The following DNAAF1 variants were observed in gnomAD, a reference collection of about 807,000 sequenced individuals.
The protein encoded by DNAAF1 is dynein axonemal assembly factor 1.
In DNAAF1, 65 loss-of-function variants were observed where a neutral mutation model predicts 71.1. That is an observed-to-expected ratio of 0.91 (90% CI 0.75 to 1.12). The LOEUF is 1.12. Ranked by LOEUF, DNAAF1 falls within the 50% of genes most tolerant of loss-of-function variation. The probability of loss-of-function intolerance (pLI) is 0.00; values close to 1 mark genes in which losing one functional copy is unlikely to be tolerated. For synonymous variants in DNAAF1, 414 were observed against 354.6 expected (o/e 1.17, Z -1.88); for missense variants, 1,178 against 899.8 (o/e 1.31, Z -3.96).
At chr16:84,157,701 G>A (rs1032659849) in intron 5 of DNAAF1, among the ~76,000 whole-genome samples, 19 of 152,012 alleles carry the variant, frequency 1.2e-4, no homozygotes, top group African/African-American at 4.1e-4. Context: ...ATTGTATACC[G>A]CTTAGGCTAT....
intron 11 of DNAAF1, 70 bp downstream of exon 11, chr16:84,176,369 GC>G: frequency 6.2e-7 from 1 of 1,606,114 alleles, no homozygotes; most frequent in Non-Finnish European, 8.5e-7. Context: ...GTGGGGCAGG[GC>G]AGTCACTCAG....
Position 84,172,390 on chromosome 16 carries a change from T to G in DNAAF1, c.1644+15T>G. 6.2e-7 allele frequency: 1 copy of G among 1,613,454 alleles called. No homozygotes were observed. Among genetic ancestry groups the G allele is most frequent in the South Asian group, 1.1e-5 (1 of 90,878 alleles). ...TCTGCATTGATGTACATGAAGTATT[T>G]AATCTTGGAGATAAGTATCAGTTTT... On this transcript the variant is annotated intron_variant, in intron 9 of 11. Coordinates refer to ENST00000378553, the MANE Select transcript of DNAAF1 (RefSeq NM_178452.6).
At chr16:84,163,581 A>G (rs984651856) in intron 6 of DNAAF1, among the ~76,000 whole-genome samples, 42 of 151,806 alleles carry the variant, frequency 2.8e-4, no homozygotes, top group Admixed American at 2.4e-3. Flanking sequence ...GGGTTTCACC[A>G]TGTTGGCCAG....
intron 1 of DNAAF1, 150 bp downstream of exon 1, chr16:84,145,714 C>G: frequency 3.6e-5 from 40 of 1,096,876 alleles, no homozygotes; most frequent in Non-Finnish European, 5.1e-5. Flanking sequence ...GTAGGGGCTT[C>G]TCTCGCCATT....
At chr16:84,147,950 C>G (rs1173636486) in intron 1 of DNAAF1, among the ~76,000 whole-genome samples, 2 of 152,170 alleles carry the variant, frequency 1.3e-5, no homozygotes, top group African/African-American at 4.8e-5. Flanking sequence ...CGCTGGTAAT[C>G]CTAGCTACTT....
chr16:84,169,755 T>C (rs1465070103), intron 7 of DNAAF1, 104 bp from the exon 8 acceptor site: 7 of 1,528,492 alleles, frequency 4.6e-6, no homozygotes, highest in Non-Finnish European at 6.3e-6. Flanking sequence ...GTTCCTGACC[T>C]TTTCCCTGGT....
intron 1 of DNAAF1, among the ~76,000 whole-genome samples, chr16:84,148,082 T>G (rs1402042625): frequency 6.6e-6 from 1 of 151,638 alleles, no homozygotes; most frequent in East Asian, 1.9e-4. Flanking sequence ...AAAAAAGAAA[T>G]AAAACATTTC....
In DNAAF1 at chr16:84,147,218, A is replaced by G. The variant is rs115248069; in HGVS notation, c.124+1654A>G. ...ATTAATTACATATTAATATTTATAT[A>G]TTGAGCGCTTATTCTTTATTTTTTC... On this transcript the variant is annotated intron_variant, in intron 1 of 11. Transcript: ENST00000378553. 3.7e-3 allele frequency among the ~76,000 whole-genome samples: 570 copies of G among 152,302 alleles called. 5 individuals carry two copies. Among genetic ancestry groups the G allele is most frequent in the African/African-American group, 0.013 (547 of 41,568 alleles).
Position 84,145,496 on chromosome 16 carries a change from C to G in DNAAF1, c.56C>G (p.Ala19Gly). 1.3e-6 allele frequency: 2 copies of G among 1,567,264 alleles called. No individual in the cohort carries two copies. The highest frequency in any genetic ancestry group is 1.7e-6 in the Non-Finnish European group (2 of 1,155,878). ...ATGGAAELDC[A>G]QEPGVEESAG... ...GGTGGTGCAGCAGAGCTGGATTGCG[C>G]GCAGGAGCCCGGCGTGGAGGAGTCT... The change falls in exon 1 of 12, where the codon GCG (alanine) becomes GGG (glycine). Residue 19 changes from alanine to glycine, a missense_variant. Transcript: ENST00000378553.
At chr16:84,174,808 A>G (rs1300483711) in intron 10 of DNAAF1, 86 bp downstream of exon 10, 10 of 1,543,362 alleles carry the variant, frequency 6.5e-6, no homozygotes, top group Non-Finnish European at 8.1e-6. Context: ...CTAAACTTGA[A>G]AGTAAAATGT....
Position 84,175,938 on chromosome 16 carries a change from G to A in DNAAF1, c.1704G>A (p.Met568Ile), listed in dbSNP as rs1175764137. The A allele has an allele frequency of 2.5e-6, 4 of 1,614,078 alleles. No individual in the cohort carries two copies. The highest frequency in any genetic ancestry group is 4.5e-5 in the East Asian group (2 of 44,892). ...ACCTTTTCTTCTGTAAATAGAATAT[G>A]TGCTTTCCGAAGATTGAGGTCATCT... ...ETGKSLEDQN[M>I]CFPKIEVISS... Residue 568 changes from methionine (M) to isoleucine (I), a missense_variant, in exon 11 of 12, where the codon ATG becomes ATA. Met to Ile is a conservative substitution (Grantham distance 10). Transcript: ENST00000378553.
chr16:84,166,413 G>A (rs1364118403), intron 7 of DNAAF1, among the ~76,000 whole-genome samples: 3 of 117,166 alleles, frequency 2.6e-5, no homozygotes, highest in African/African-American at 3.4e-5. Context: ...ATCTTACTCT[G>A]TTGCCCAGGC....
rs759791117 is a variant in DNAAF1 at position 84,169,957 on chromosome 16, C to G, written c.1129C>G (p.Leu377Val). 1 of 1,614,086 alleles carries G rather than the reference C, an allele frequency of 6.2e-7. No individual in the cohort carries two copies. Among genetic ancestry groups the G allele is most frequent in the Admixed American group, 1.7e-5 (1 of 60,028 alleles). ...GDRETRQKME[L>V]FVKESFEAKD... ...CAGAGAAACAAGGCAGAAGATGGAG[C>G]TATTTGTTAAGGAAAGCTTTGAGGC... Residue 377 changes from leucine (L) to valine (V), a missense_variant, in exon 8 of 12, where the codon CTA (leucine) becomes GTA (valine). Coordinates refer to ENST00000378553, the MANE Select transcript of DNAAF1 (RefSeq NM_178452.6).
intron 11 of DNAAF1, chr16:84,176,550 T>C: frequency 3.4e-6 from 2 of 592,072 alleles, no homozygotes; most frequent in Non-Finnish European, 6.0e-6. Flanking sequence ...AGTCTGACTG[T>C]GTGTGGGGGT....
intron 2 of DNAAF1, among the ~76,000 whole-genome samples, chr16:84,149,605 C>T (rs1029612865): frequency 6.8e-6 from 1 of 148,084 alleles, no homozygotes; most frequent in Non-Finnish European, 1.5e-5. Flanking sequence ...GCAGGAGGAT[C>T]GCTTGAACCC....
chr16:84,150,350 C>A lies in DNAAF1; in HGVS notation c.352+8C>A. The A allele has an allele frequency of 1.3e-6, 2 of 1,595,090 alleles. No homozygotes were observed. Among genetic ancestry groups the A allele is most frequent in the Non-Finnish European group, 1.7e-6 (2 of 1,162,674 alleles). ...TGTATTTACACTTTAAAGGTAAGGA[C>A]CTAAGAGAGGAAGTGCTTCACGTCA... On this transcript the variant is annotated splice_region_variant and intron_variant, in intron 3 of 11. Coordinates refer to ENST00000378553, the MANE Select transcript of DNAAF1 (RefSeq NM_178452.6).
At chr16:84,163,706 T>C (rs2087828499) in intron 6 of DNAAF1, among the ~76,000 whole-genome samples, 1 of 152,100 alleles carries the variant, frequency 6.6e-6, no homozygotes, top group South Asian at 2.1e-4. Context: ...GTCCTCTGGA[T>C]GGTATGCAGT....
chr16:84,154,663 C>T lies in DNAAF1; in HGVS notation c.439C>T (p.Leu147=), dbSNP rs779780798. Residue 147 remains leucine, a synonymous_variant, in exon 4 of 12, where the codon CTG becomes TTG. Transcript: ENST00000378553. ...QSNGIQKIEN[L]EAQTELRCLF... is the part of the protein sequence containing the mutation. ...CAATGGAATACAGAAAATCGAAAAC[C>T]TGGAGGCCCAAACTGAGTTGCGTTG... is the stretch of plus-strand genomic sequence containing the variant. 6.2e-6 allele frequency: 10 copies of T among 1,614,076 alleles called. No homozygotes were observed. The South Asian group carries it at 8.8e-5, about 14-fold the overall frequency.
intron 5 of DNAAF1, 92 bp from the exon 6 acceptor site, chr16:84,159,583 A>G (rs1302938532): frequency 6.6e-7 from 1 of 1,511,816 alleles, no homozygotes; most frequent in Non-Finnish European, 9.0e-7. Flanking sequence ...CAAAAAATAG[A>G]TTTTGTTCAT....
Sources: allele counts gnomAD v4.1 joint callset (sites outside exome capture counted in the v4.1 genomes callset), GRCh38; gene constraint gnomAD v4.1.1; transcripts MANE v1.5; gene names NCBI Gene and HGNC (gene_info 2026-07-23, HGNC 2026-07-21).